The following FRMD3 variants were observed in gnomAD, a reference collection of about 807,000 sequenced individuals.
The protein encoded by FRMD3 is FERM domain-containing protein 3.
FRMD3 carries 33 observed loss-of-function variants against 70.2 expected under a neutral mutation model. The observed-to-expected ratio is 0.47, with a 90% confidence interval of 0.36 to 0.63. The LOEUF is 0.63. Ranked by LOEUF, FRMD3 falls within the 20% of genes least tolerant of loss-of-function variation. The probability of loss-of-function intolerance (pLI) is 0.00; values close to 1 mark genes in which losing one functional copy is unlikely to be tolerated. For missense variants in FRMD3, 632 were observed against 711.4 expected (o/e 0.89, Z 1.27); for synonymous variants, 279 against 255.9 (o/e 1.09, Z -0.86).
At chr9:83,572,149 GT>G in the FRMD3 span, among the ~76,000 whole-genome samples, 13 of 79,112 alleles carry the variant, frequency 1.6e-4, no homozygotes, top group African/African-American at 4.7e-4. Flanking sequence ...GTTTTTTGAG[GT>G]GTGTGTGTGT....
At chr9:83,576,861 T>A in the FRMD3 span, among the ~76,000 whole-genome samples, 1 of 152,020 alleles carries the variant, frequency 6.6e-6, no homozygotes, top group African/African-American at 2.4e-5. Context: ...ATGAATCCAC[T>A]AAAAAATCTA....
chr9:83,256,035 T>C (rs146503322), intron 13 of FRMD3, among the ~76,000 whole-genome samples: 2 of 152,156 alleles, frequency 1.3e-5, no homozygotes, highest in Non-Finnish European at 2.9e-5. Flanking sequence ...AAAATTCGTA[T>C]GGAACCAAAA....
At chr9:83,413,123 T>C (rs1826327880) in intron 1 of FRMD3, among the ~76,000 whole-genome samples, 1 of 152,254 alleles carries the variant, frequency 6.6e-6, no homozygotes, top group Non-Finnish European at 1.5e-5. Context: ...CAGGTAACTC[T>C]ATCCAGCAAG....
chr9:83,413,375 C>A (rs13440165), intron 1 of FRMD3, among the ~76,000 whole-genome samples: 4,133 of 152,242 alleles, frequency 0.027, 194 homozygotes, highest in African/African-American at 0.093. Context: ...TGGCTCTTCT[C>A]ACTGTCCCCC....
intron 6 of FRMD3, among the ~76,000 whole-genome samples, chr9:83,318,596 A>C (rs1056985626): frequency 2.0e-4 from 30 of 152,272 alleles, no homozygotes; most frequent in African/African-American, 7.0e-4. Flanking sequence ...TAATAAACAT[A>C]TGAGTGCCGG....
intron 5 of FRMD3, among the ~76,000 whole-genome samples, chr9:83,340,401 A>G (rs1276118421): frequency 2.0e-5 from 3 of 152,228 alleles, no homozygotes; most frequent in Non-Finnish European, 4.4e-5. Flanking sequence ...AAGTGTTTGC[A>G]AGAAAACACA....
intron 1 of FRMD3, among the ~76,000 whole-genome samples, chr9:83,416,786 T>TCTCC (rs1220396275): frequency 3.4e-5 from 2 of 58,284 alleles, no homozygotes; most frequent in Non-Finnish European, 6.8e-5. Flanking sequence ...TCTCTCTCTC[T>TCTCC]CACTCTCTCT....
chr9:83,421,953 A>T (rs187081962), intron 1 of FRMD3, among the ~76,000 whole-genome samples: 2 of 152,268 alleles, frequency 1.3e-5, no homozygotes, highest in East Asian at 3.9e-4. Context: ...AGCCAGGTGC[A>T]GTGGCTCACG....
intron 1 of FRMD3, among the ~76,000 whole-genome samples, chr9:83,409,244 C>T (rs890961139): frequency 6.6e-6 from 1 of 152,182 alleles, no homozygotes; most frequent in Admixed American, 6.5e-5. Context: ...GGAAGCCAGG[C>T]GCATTGAACT....
At chr9:83,362,772 C>T (rs1313873819) in intron 3 of FRMD3, among the ~76,000 whole-genome samples, 2 of 149,852 alleles carry the variant, frequency 1.3e-5, no homozygotes, top group Non-Finnish European at 3.0e-5. Flanking sequence ...TCTCTCCTTC[C>T]TTCCTTATTT....
rs145807583 is a variant in FRMD3 at position 83,513,801 on chromosome 9, G to A, written c.147+24284C>T. Among the ~76,000 whole-genome samples the A allele has an allele frequency of 1.2e-3, 177 of 152,252 alleles. 1 individual carries two copies. Among genetic ancestry groups the A allele is most frequent in the African/African-American group, 4.2e-3 (173 of 41,544 alleles). On this transcript the variant is annotated intron_variant, in intron 1 of 13. Coordinates refer to ENST00000304195, the MANE Select transcript of FRMD3 (RefSeq NM_174938.6). ...TGGAACTGGTTAGACAGTGGGTGCA[G>A]CCCACAGAAGGTGAGCAGAAGCAGG...
chr9:83,253,411 G>T (rs150446507), intron 13 of FRMD3, among the ~76,000 whole-genome samples: 1 of 152,170 alleles, frequency 6.6e-6, no homozygotes, highest in African/African-American at 2.4e-5. Flanking sequence ...CAAAAAGCTA[G>T]AAAGATCTCA....
intron 1 of FRMD3, among the ~76,000 whole-genome samples, chr9:83,447,780 T>A (rs1294295107): frequency 6.6e-6 from 1 of 152,122 alleles, no homozygotes; most frequent in Non-Finnish European, 1.5e-5. Context: ...AAGACAGAAG[T>A]CAGGATGTCA....
chr9:83,256,904 C>T (rs1213805949), intron 13 of FRMD3, among the ~76,000 whole-genome samples: 1 of 152,094 alleles, frequency 6.6e-6, no homozygotes, highest in African/African-American at 2.4e-5. Context: ...GAAAAAGGAG[C>T]ACTTTTACAC....
intron 1 of FRMD3, among the ~76,000 whole-genome samples, chr9:83,509,545 C>G (rs1023435743): frequency 5.3e-5 from 8 of 152,196 alleles, no homozygotes; most frequent in Non-Finnish European, 1.0e-4. Flanking sequence ...CCAGGAGCAG[C>G]TCGTTTAATT....
chr9:83,309,060 T>A (rs1835248067), intron 10 of FRMD3, among the ~76,000 whole-genome samples: 1 of 152,138 alleles, frequency 6.6e-6, no homozygotes, highest in Admixed American at 6.5e-5. Flanking sequence ...TCCACAGTAG[T>A]GACCTGCTCA....
At chr9:83,446,646 CA>C (rs780150860) in intron 1 of FRMD3, among the ~76,000 whole-genome samples, 3,100 of 83,278 alleles carry the variant, frequency 0.037, 29 homozygotes, top group Non-Finnish European at 0.051. Flanking sequence ...GACTCGGTCT[CA>C]AAAAAAAAAA....
At chr9:83,279,113 G>A (rs1833885202) in intron 13 of FRMD3, 1 of 150,364 alleles carries the variant, frequency 6.7e-6, no homozygotes, top group Non-Finnish European at 1.5e-5. Context: ...CGATTATCAA[G>A]TGAGTCATTC....
At chr9:83,513,257 C>T (rs1829379914) in intron 1 of FRMD3, among the ~76,000 whole-genome samples, 1 of 152,208 alleles carries the variant, frequency 6.6e-6, no homozygotes, top group Non-Finnish European at 1.5e-5. Flanking sequence ...GTATTACTTC[C>T]TACTAACTGA....
Sources: allele counts gnomAD v4.1 joint callset (sites outside exome capture counted in the v4.1 genomes callset), GRCh38; gene constraint gnomAD v4.1.1; transcripts MANE v1.5; gene names NCBI Gene and HGNC (gene_info 2026-07-23, HGNC 2026-07-21).